Variants in BTF3L4 observed in about 807,000 individuals in gnomAD.
The protein encoded by BTF3L4 is basic transcription factor 3 like 4.
Under a neutral mutation model 16.8 loss-of-function variants are expected in BTF3L4, and 6 were observed. That is an observed-to-expected ratio of 0.36 (90% CI 0.20 to 0.71). The LOEUF is 0.71. Ranked by LOEUF, BTF3L4 falls within the 30% of genes least tolerant of loss-of-function variation. The pLI is 0.58. For missense variants in BTF3L4, 92 were observed against 186.9 expected (o/e 0.49, Z 2.96); for synonymous variants, 39 against 59.8 (o/e 0.65, Z 1.60).
chr1:52,086,604 C>G, intron 5 of BTF3L4, 108 bp from the exon 6 acceptor site: 5 of 623,202 alleles, frequency 8.0e-6, no homozygotes, highest in East Asian at 2.8e-5. Context: ...CAGGCTAATT[C>G]TGGTTGTACT....
At chr1:52,067,487 G>T (rs960710754) in intron 3 of BTF3L4, among the ~76,000 whole-genome samples, 2 of 152,128 alleles carry the variant, frequency 1.3e-5, no homozygotes, top group Non-Finnish European at 2.9e-5. Flanking sequence ...TCATTTGTAA[G>T]ACCTGAAATT....
intron 3 of BTF3L4, among the ~76,000 whole-genome samples, chr1:52,069,936 G>T (rs951974489): frequency 6.6e-6 from 1 of 152,100 alleles, no homozygotes; most frequent in East Asian, 1.9e-4. Flanking sequence ...AAAAACTAAG[G>T]TTGGGTGCGG....
chr1:52,060,494 C>A lies in BTF3L4; in HGVS notation c.54+593C>A, dbSNP rs532425122. On this transcript the variant is annotated intron_variant, in intron 2 of 5. Coordinates refer to ENST00000313334, the MANE Select transcript of BTF3L4 (RefSeq NM_152265.5). ...ATATGAATATCAGCTTTCTTATTCC[C>A]TGTACTTTTTAAAGCCTAAGGAAGA... 4 of 1,265,646 alleles carry A rather than the reference C, an allele frequency of 3.2e-6. No individual in the cohort carries two copies. The Admixed American group carries it at 9.3e-5, about 29-fold the overall frequency. 78.4% of individuals were successfully genotyped at this position (1,265,646 alleles called of 1,614,324 possible). A position where few individuals can be genotyped will look rare whatever the true frequency, so the allele number is the denominator to read the frequency against.
chr1:52,086,633 G>T, intron 5 of BTF3L4, 79 bp from the exon 6 acceptor site: 1 of 842,190 alleles, frequency 1.2e-6, no homozygotes, highest in Non-Finnish European at 1.9e-6. Context: ...TTTTTCGGGG[G>T]TTAGAAGTTA....
In BTF3L4 at chr1:52,070,838, A is replaced by G. The variant is rs147223571; in HGVS notation, c.168+5900A>G. Among the ~76,000 whole-genome samples, 71 of 151,918 alleles carry G rather than the reference A, an allele frequency of 4.7e-4. 2 individuals carry two copies. In the East Asian group the frequency reaches 0.014, roughly 30 times the overall value. ...TTTAGTAGAGACGGGGTTTCACCAC[A>G]TTGGCCAGGCTCGTCTCAAACTCCT... On this transcript the variant is annotated intron_variant, in intron 3 of 5. Transcript: ENST00000313334.
intron 2 of BTF3L4, among the ~76,000 whole-genome samples, chr1:52,062,777 A>G (rs2124416389): frequency 6.6e-6 from 1 of 152,322 alleles, no homozygotes; most frequent in East Asian, 1.9e-4. Flanking sequence ...GCAGTCCGCA[A>G]TCTTTTTGGC....
At chr1:52,059,928 A>G (rs1344778510) in intron 2 of BTF3L4, 27 bp downstream of exon 2, 1 of 1,596,452 alleles carries the variant, frequency 6.3e-7, no homozygotes, top group Admixed American at 1.7e-5. Flanking sequence ...AAAAATTGAT[A>G]GGAGAATGTA....
chr1:52,057,825 G>A (rs193019965), intron 1 of BTF3L4, among the ~76,000 whole-genome samples: 2 of 152,112 alleles, frequency 1.3e-5, no homozygotes, highest in African/African-American at 4.8e-5. Context: ...CAATTCTGTT[G>A]TCCTGACCAC....
intron 3 of BTF3L4, among the ~76,000 whole-genome samples, chr1:52,076,593 CAA>C (rs71579904): frequency 1.5e-4 from 13 of 87,566 alleles, no homozygotes; most frequent in Admixed American, 6.5e-4. Flanking sequence ...GATTCTGTCT[CAA>C]AAAAAAAAAA....
At chr1:52,076,765 A>G (rs1558008806) in intron 3 of BTF3L4, among the ~76,000 whole-genome samples, 1 of 152,240 alleles carries the variant, frequency 6.6e-6, no homozygotes, top group Non-Finnish European at 1.5e-5. Flanking sequence ...TGACTGATTT[A>G]TAAGAGCGTG....
At chr1:52,066,659 C>T (rs538627748) in intron 3 of BTF3L4, among the ~76,000 whole-genome samples, 13 of 150,244 alleles carry the variant, frequency 8.7e-5, no homozygotes, top group East Asian at 4.0e-4. Context: ...CTGGCTAACA[C>T]GGTGAAACCC....
At chr1:52,080,602 C>T (rs1055312840) in intron 3 of BTF3L4, among the ~76,000 whole-genome samples, 3 of 118,012 alleles carry the variant, frequency 2.5e-5, no homozygotes, top group South Asian at 2.9e-4. Flanking sequence ...GGTGCGATTT[C>T]GGCTTACTGC....
chr1:52,069,771 T>C (rs1686737947), intron 3 of BTF3L4, among the ~76,000 whole-genome samples: 1 of 152,194 alleles, frequency 6.6e-6, no homozygotes, highest in Non-Finnish European at 1.5e-5. Context: ...CAAAATTCAT[T>C]GAATGCACTT....
chr1:52,070,645 T>A (rs1324959643), intron 3 of BTF3L4, among the ~76,000 whole-genome samples: 1 of 150,172 alleles, frequency 6.7e-6, no homozygotes, highest in Non-Finnish European at 1.5e-5. Flanking sequence ...TTTTTTTTTT[T>A]TTTTTGGTGG....
chr1:52,056,472 A>T (rs1200840487), intron 1 of BTF3L4, 93 bp downstream of exon 1: 1 of 152,730 alleles, frequency 6.5e-6, no homozygotes, highest in Non-Finnish European at 1.5e-5. Context: ...CCAACCGCTC[A>T]GGCTGCCACT....
intron 3 of BTF3L4, among the ~76,000 whole-genome samples, chr1:52,081,931 C>T (rs1379577974): frequency 6.6e-6 from 1 of 152,126 alleles, no homozygotes; most frequent in Non-Finnish European, 1.5e-5. Flanking sequence ...GTGGTAATCA[C>T]CTCTGAGGAA....
chr1:52,078,989 A>G (rs984248324), intron 3 of BTF3L4, among the ~76,000 whole-genome samples: 2 of 152,164 alleles, frequency 1.3e-5, no homozygotes, highest in African/African-American at 4.8e-5. Flanking sequence ...GGCTTACTCA[A>G]ACCACACAGT....
At chr1:52,056,842 C>A (rs1686373937) in intron 1 of BTF3L4, among the ~76,000 whole-genome samples, 1 of 152,212 alleles carries the variant, frequency 6.6e-6, no homozygotes, top group African/African-American at 2.4e-5. Context: ...CTTGTAATGG[C>A]AGTGTTTGTT....
intron 3 of BTF3L4, among the ~76,000 whole-genome samples, chr1:52,069,494 G>A (rs577144734): frequency 1.3e-5 from 2 of 152,254 alleles, no homozygotes; most frequent in South Asian, 2.1e-4. Context: ...ATATATATAT[G>A]TCAGAGTAGG....
Sources: gnomAD v4.1 joint callset for allele counts (sites outside exome capture counted in the v4.1 genomes callset) on GRCh38, gnomAD v4.1.1 for gene constraint, MANE v1.5 for transcripts, NCBI Gene and HGNC (gene_info 2026-07-23, HGNC 2026-07-21) for gene names.